DHRSX: variants seen among roughly 807,000 people sequenced by gnomAD.
DHRSX encodes the protein dehydrogenase/reductase X-linked, also known as polyprenol dehydrogenase.
In DHRSX, 31 loss-of-function variants were observed where a neutral mutation model predicts 34.0. The ratio of observed to expected loss-of-function variants is 0.91; its 90% CI spans 0.69 to 1.23. The LOEUF is 1.23. Among genes scored for constraint, DHRSX ranks in the 50% most tolerant of loss-of-function variants. The probability of loss-of-function intolerance (pLI) is 0.00; values close to 1 mark genes in which losing one functional copy is unlikely to be tolerated. For synonymous variants in DHRSX, 201 were observed against 183.8 expected, an observed-to-expected ratio of 1.09 and a Z score of -0.76; for missense variants, 414 against 428.1, an observed-to-expected ratio of 0.97 and a Z score of 0.29.
chrX:2,450,967 C>G (rs1430050200), intron 1 of DHRSX, among the ~76,000 whole-genome samples: 4 of 152,004 alleles, frequency 2.6e-5, no homozygotes, highest in African/African-American at 9.7e-5. Context: ...CCCTTCCACG[C>G]AGAGAAAATG....
chrX:2,267,543 C>CA (rs531488800), intron 4 of DHRSX, among the ~76,000 whole-genome samples: 65,539 of 127,284 alleles, frequency 0.51, 16,252 homozygotes, highest in Middle Eastern at 0.61. Context: ...GACTCCATCT[C>CA]AAAAAAAAAA....
intron 1 of DHRSX, among the ~76,000 whole-genome samples, chrX:2,469,880 A>G (rs1220320390): frequency 6.6e-6 from 1 of 152,164 alleles, no homozygotes; most frequent in Non-Finnish European, 1.5e-5. Context: ...GGTGTGCAGG[A>G]TCCAGACATC....
At chrX:2,357,215 G>C (rs1243999311) in intron 3 of DHRSX, among the ~76,000 whole-genome samples, 1 of 152,180 alleles carries the variant, frequency 6.6e-6, no homozygotes, top group Admixed American at 6.5e-5. Context: ...TTGCACTCTG[G>C]CCTGGGCAGT....
chrX:2,341,488 C>T (rs2042639125), intron 3 of DHRSX, among the ~76,000 whole-genome samples: 1 of 152,082 alleles, frequency 6.6e-6, no homozygotes, highest in Admixed American at 6.6e-5. Flanking sequence ...TGGCCTTCTC[C>T]TCTGTGTCTG....
At chrX:2,245,962 AAAAAAAAC>A (rs984102185) in intron 5 of DHRSX, among the ~76,000 whole-genome samples, 5 of 100,564 alleles carry the variant, frequency 5.0e-5, no homozygotes, top group African/African-American at 2.0e-4. Flanking sequence ...ACTCCATCTC[AAAAAAAAC>A]AAAAAAACAA....
At chrX:2,454,527 C>CAA (rs10641325) in intron 1 of DHRSX, among the ~76,000 whole-genome samples, 65,533 of 137,482 alleles carry the variant, frequency 0.48, 17,562 homozygotes, top group African/African-American at 0.74. Flanking sequence ...AACTCCGTCT[C>CAA]AAAAAAAAAA....
At chrX:2,464,473 C>T (rs995116578) in intron 1 of DHRSX, among the ~76,000 whole-genome samples, 3 of 89,270 alleles carry the variant, frequency 3.4e-5, no homozygotes, top group Non-Finnish European at 7.4e-5. Flanking sequence ...GCACTGAAGA[C>T]GCTCCCTAAG....
Position 2,219,983 on chromosome X carries a change from A to G in DHRSX, c.*1058T>C, listed in dbSNP as rs2015488026. On this transcript the variant is annotated 3_prime_UTR_variant, in exon 7 of 7. Transcript: ENST00000334651. ...TTTTCAGAAGTATCAGAAGCTGTAT[A>G]CATTTCCTGTGGTTGCTGTAACAAG... is the stretch of plus-strand genomic sequence containing the variant. 6.6e-6 allele frequency: 1 copy of G among 152,212 alleles called. No individual in the cohort carries two copies. Among genetic ancestry groups the G allele is most frequent in the Admixed American group, 6.5e-5 (1 of 15,272 alleles). 9.4% of individuals were successfully genotyped at this position (152,212 alleles called of 1,614,324 possible).
At chrX:2,444,657 G>A (rs1603100843) in intron 1 of DHRSX, among the ~76,000 whole-genome samples, 3 of 151,906 alleles carry the variant, frequency 2.0e-5, no homozygotes, top group East Asian at 3.9e-4. Context: ...ATAGTGAGAC[G>A]CCATCTCTAC....
chrX:2,472,823 T>C (rs2044613737), intron 1 of DHRSX, among the ~76,000 whole-genome samples: 4 of 152,248 alleles, frequency 2.6e-5, no homozygotes, highest in Admixed American at 2.6e-4. Context: ...AATATTTTAC[T>C]GAATTTTTTT....
intron 5 of DHRSX, among the ~76,000 whole-genome samples, chrX:2,263,280 T>A (rs1380514828): frequency 6.6e-6 from 1 of 151,996 alleles, no homozygotes; most frequent in Non-Finnish European, 1.5e-5. Flanking sequence ...GGTGATGAGG[T>A]CACGATGGGG....
intron 6 of DHRSX, among the ~76,000 whole-genome samples, chrX:2,224,032 G>A (rs751873303): frequency 7.9e-5 from 12 of 152,342 alleles, no homozygotes; most frequent in East Asian, 5.8e-4. Context: ...TACACCTCAC[G>A]CTGGTGCCTG....
At chrX:2,490,371 C>A (rs775087899) in intron 1 of DHRSX, 48 of 1,613,562 alleles carry the variant, frequency 3.0e-5, no homozygotes, top group Non-Finnish European at 4.1e-5. Context: ...CTGTCGTAGC[C>A]GTGGCCGGCC....
chrX:2,363,353 C>T lies in DHRSX; in HGVS notation c.286+45392G>A, dbSNP rs1292550514. On this transcript the variant is annotated intron_variant, in intron 3 of 6. Transcript: ENST00000334651. Reference sequence around the variant, plus strand: ...ATTTTATCACTGTTCTATATCATGCCTCCATTTTATCACTGTTCTATGGTG... The same window carrying T: ...ATTTTATCACTGTTCTATATCATGCTTCCATTTTATCACTGTTCTATGGTG... Among the ~76,000 whole-genome samples, 2 of 132,064 alleles carry T rather than the reference C, an allele frequency of 1.5e-5. 1 individual carries two copies. Among genetic ancestry groups the T allele is most frequent in the African/African-American group, 6.0e-5 (2 of 33,094 alleles). 86.6% of individuals were successfully genotyped at this position (132,064 alleles called of 152,430 possible).
chrX:2,365,539 C>T (rs1278850234), intron 3 of DHRSX, among the ~76,000 whole-genome samples: 1 of 152,124 alleles, frequency 6.6e-6, no homozygotes, highest in Non-Finnish European at 1.5e-5. Context: ...TATCACCTCC[C>T]AGAATATGCA....
chrX:2,239,338 G>A (rs1359215791), intron 6 of DHRSX, among the ~76,000 whole-genome samples: 1 of 151,248 alleles, frequency 6.6e-6, no homozygotes, highest in Admixed American at 6.6e-5. Flanking sequence ...CAAGGTTGCA[G>A]CCAGTGATTG....
chrX:2,355,511 TAAAAAAAAAAAAAAA>T (rs767512287), intron 3 of DHRSX, among the ~76,000 whole-genome samples: 27,232 of 75,740 alleles, frequency 0.36, 4,550 homozygotes, highest in African/African-American at 0.59. Flanking sequence ...AGACCCCATC[TAAAAAAAAAAAAAAA>T]AAAAAAAAAA....
intron 2 of DHRSX, among the ~76,000 whole-genome samples, chrX:2,410,693 A>C (rs898930620): frequency 1.6e-4 from 24 of 152,226 alleles, no homozygotes; most frequent in African/African-American, 5.8e-4. Context: ...CTTTTCAAAA[A>C]ACAATGAAAA....
chrX:2,304,281 G>GTGGGTGGGTGGATGGA (rs1569485932), intron 3 of DHRSX, among the ~76,000 whole-genome samples: 2 of 76,818 alleles, frequency 2.6e-5, no homozygotes, highest in African/African-American at 1.2e-4. Context: ...GGATGGATGG[G>GTGGGTGGGTGGATGGA]TGGGTGGGTG....
Sources: allele counts gnomAD v4.1 joint callset (sites outside exome capture counted in the v4.1 genomes callset), GRCh38; gene constraint gnomAD v4.1.1; transcripts MANE v1.5; gene names NCBI Gene and HGNC (gene_info 2026-07-23, HGNC 2026-07-21).